Variants in DIAPH3 observed in about 807,000 individuals in gnomAD.
DIAPH3 encodes the protein diaphanous related formin 3, also known as protein diaphanous homolog 3.
Under a neutral mutation model 144.3 loss-of-function variants are expected in DIAPH3, and 117 were observed. The ratio of observed to expected loss-of-function variants is 0.81; its 90% confidence interval spans 0.70 to 0.95. The LOEUF (loss-of-function observed/expected upper bound fraction) is 0.95, where lower values mean the gene tolerates loss of function less well. Among genes scored for constraint, DIAPH3 ranks in the 40% least tolerant of loss-of-function variants. The pLI, the probability that DIAPH3 is intolerant of heterozygous loss-of-function variation, is 0.00. For missense variants in DIAPH3, 1,421 were observed against 1,412.7 expected, an observed-to-expected ratio of 1.01 and a Z score of -0.09; for synonymous variants, 519 against 488.9, an observed-to-expected ratio of 1.06 and a Z score of -0.81.
chr13:59,671,462 GTTTGT>G (rs1166628254), intron 27 of DIAPH3, among the ~76,000 whole-genome samples: 1 of 152,168 alleles, frequency 6.6e-6, no homozygotes, highest in Non-Finnish European at 1.5e-5. Context: ...AAGGTGAGGA[GTTTGT>G]TTTATTATTT....
At chr13:59,740,989 G>A (rs999873997) in intron 27 of DIAPH3, among the ~76,000 whole-genome samples, 3 of 152,132 alleles carry the variant, frequency 2.0e-5, no homozygotes, top group African/African-American at 7.2e-5. Flanking sequence ...TAGGGGTAAG[G>A]GTAAGTGGTG....
At chr13:60,041,042 G>A (rs140766050) in intron 5 of DIAPH3, among the ~76,000 whole-genome samples, 8 of 152,222 alleles carry the variant, frequency 5.3e-5, no homozygotes, top group East Asian at 1.9e-4. Flanking sequence ...TGGAATGCCC[G>A]ACCTCAAGTG....
rs184962311 is a variant in DIAPH3 at position 59,845,479 on chromosome 13, A to G, written c.2738-6031T>C. ...CAGTAAAGCTGCCCCTTTCCTGTTC[A>G]ATGCATGTCAGTAAACTGGTTACAT... is the stretch of plus-strand genomic sequence containing the variant. On this transcript the variant is annotated intron_variant, in intron 22 of 27. Transcript: ENST00000400324. 5.3e-5 allele frequency among the ~76,000 whole-genome samples: 8 copies of G among 152,286 alleles called. No individual in the cohort carries two copies. In the East Asian group the frequency reaches 1.3e-3, roughly 26 times the overall value.
intron 27 of DIAPH3, among the ~76,000 whole-genome samples, chr13:59,705,303 C>G (rs1055997784): frequency 6.6e-6 from 1 of 152,166 alleles, no homozygotes; most frequent in African/African-American, 2.4e-5. Context: ...CAAACCCCTT[C>G]GAAAGTTTCT....
intron 1 of DIAPH3, among the ~76,000 whole-genome samples, chr13:60,138,558 T>C (rs940615941): frequency 6.6e-6 from 1 of 152,264 alleles, no homozygotes; most frequent in African/African-American, 2.4e-5. Context: ...TGTTTTAAGA[T>C]AATTCAACAA....
chr13:59,864,362 C>T (rs927683579), intron 21 of DIAPH3, among the ~76,000 whole-genome samples: 1 of 151,926 alleles, frequency 6.6e-6, no homozygotes. Context: ...TTTATCTCAC[C>T]CACCCTCATT....
intron 20 of DIAPH3, among the ~76,000 whole-genome samples, chr13:59,904,170 C>T (rs1035629367): frequency 2.0e-5 from 3 of 152,036 alleles, no homozygotes; most frequent in African/African-American, 7.3e-5. Context: ...AACAAATTGT[C>T]TAGCAATGAT....
At position 59,922,468 on chromosome 13, in the gene DIAPH3, C is replaced by T. The variant is rs146878611; in HGVS notation, c.2170+2307G>A. On this transcript the variant is annotated intron_variant, in intron 18 of 27. Transcript: ENST00000400324. ...ATCTAGTACATACCCATAATATTCT[C>T]TTCAATGAACTTTAGAAATGAACCT... Among the ~76,000 whole-genome samples, 7 of 152,084 alleles carry T rather than the reference C, an allele frequency of 4.6e-5. No homozygotes were observed. The East Asian group carries it at 9.7e-4, about 21-fold the overall frequency.
chr13:59,963,451 C>T (rs1233142857), intron 17 of DIAPH3, among the ~76,000 whole-genome samples: 6 of 152,100 alleles, frequency 3.9e-5, no homozygotes, highest in Non-Finnish European at 8.8e-5. Context: ...CATTTATTTG[C>T]TATACTATTT....
intron 9 of DIAPH3, among the ~76,000 whole-genome samples, chr13:60,000,275 A>T (rs1273605106): frequency 1.3e-5 from 2 of 152,190 alleles, no homozygotes; most frequent in African/African-American, 4.8e-5. Flanking sequence ...CCTGTCCAGT[A>T]CTGCATCACT....
intron 27 of DIAPH3, among the ~76,000 whole-genome samples, chr13:59,771,783 T>C (rs1280591826): frequency 6.6e-6 from 1 of 152,116 alleles, no homozygotes; most frequent in African/African-American, 2.4e-5. Context: ...GAAATGGAGA[T>C]AAAAATATTG....
rs747502481 is a variant in DIAPH3, at chr13:59,911,825, C to T, written c.2277G>A (p.Lys759=). 2.5e-6 allele frequency: 4 copies of T among 1,610,174 alleles called. No individual in the cohort carries two copies. The highest frequency in any genetic ancestry group is 3.4e-6 in the Non-Finnish European group (4 of 1,176,650). The change falls in exon 20 of 28, where the codon AAG becomes AAA. Residue 759 remains lysine, a synonymous_variant. Transcript: ENST00000400324. ...LAESMIQNLI[K]HLPDQEQLNS... is the part of the protein sequence containing the mutation. The stretch of plus-strand genomic sequence containing the variant: ...TTAATTGCTCTTGATCAGGAAGATG[C>T]TTTATTAAGTTCTAAAAATTAAAAC...
At chr13:59,807,044 C>T (rs2040232456) in intron 25 of DIAPH3, among the ~76,000 whole-genome samples, 1 of 151,532 alleles carries the variant, frequency 6.6e-6, no homozygotes, top group African/African-American at 2.4e-5. Context: ...AAAAAGTTGA[C>T]TGTATTATTT....
intron 22 of DIAPH3, among the ~76,000 whole-genome samples, chr13:59,859,742 C>A (rs780250443): frequency 6.6e-6 from 1 of 152,084 alleles, no homozygotes; most frequent in Non-Finnish European, 1.5e-5. Flanking sequence ...GTTGATTTCC[C>A]TGAGGTAAAA....
chr13:59,829,145 G>C (rs1340073925), intron 24 of DIAPH3, among the ~76,000 whole-genome samples: 1 of 151,938 alleles, frequency 6.6e-6, no homozygotes, highest in South Asian at 2.1e-4. Context: ...AGGAGAGACT[G>C]TATGAGTTAG....
At chr13:59,873,754 C>T (rs961326845) in intron 21 of DIAPH3, among the ~76,000 whole-genome samples, 2 of 151,086 alleles carry the variant, frequency 1.3e-5, no homozygotes, top group African/African-American at 4.9e-5. Context: ...GCAACCTCCG[C>T]CTCCCGGGTT....
Position 59,839,378 on chromosome 13 carries a change from C to T in DIAPH3, c.2808G>A (p.Leu936=), listed in dbSNP as rs2042216974. The T allele has an allele frequency of 6.2e-7, 1 of 1,613,720 alleles. No homozygotes were observed. The highest frequency in any genetic ancestry group is 8.5e-7 in the Non-Finnish European group (1 of 1,179,814). ...GRQLQQLEKE[L]ETFPPPEDLH... The stretch of plus-strand genomic sequence containing the variant: ...AGTCCTCAGGAGGGGGAAAGGTTTC[C>T]AATTCCTTCTCAAGCTGTTGAAGCT... Residue 936 remains leucine, a synonymous_variant, in exon 23 of 28, where the codon TTG becomes TTA. Transcript: ENST00000400324.
At chr13:59,911,689 CTT>C (rs2047003659) in intron 20 of DIAPH3, 44 bp downstream of exon 20, 1 of 1,400,290 alleles carries the variant, frequency 7.1e-7, no homozygotes, top group African/African-American at 1.4e-5. Flanking sequence ...GACAGGTTCT[CTT>C]GTTTGGCACA....
chr13:59,956,922 AT>A (rs760349475), intron 17 of DIAPH3, among the ~76,000 whole-genome samples: 26 of 152,160 alleles, frequency 1.7e-4, no homozygotes, highest in Non-Finnish European at 2.9e-4. Context: ...GCCCAGCTGG[AT>A]TTCAGATTTG....
Sources: gnomAD v4.1 joint callset for allele counts (sites outside exome capture counted in the v4.1 genomes callset) on GRCh38, gnomAD v4.1.1 for gene constraint, MANE v1.5 for transcripts, NCBI Gene and HGNC (gene_info 2026-07-23, HGNC 2026-07-21) for gene names.